Variants in NUP210 observed in about 807,000 individuals in gnomAD.
NUP210 encodes the protein nuclear pore membrane glycoprotein 210.
NUP210 carries 151 observed loss-of-function variants against 196.0 expected under a neutral mutation model. That is an observed-to-expected ratio of 0.77 (90% CI 0.67 to 0.88). The LOEUF (loss-of-function observed/expected upper bound fraction) is 0.88, where lower values mean the gene tolerates loss of function less well. NUP210 is among the 40% of genes least tolerant of loss of function. NUP210 has a pLI of 0.00. For missense variants in NUP210, 2,314 were observed against 2,493.7 expected, an observed-to-expected ratio of 0.93 and a Z score of 1.53; for synonymous variants, 1,070 against 1,052.7, an observed-to-expected ratio of 1.02 and a Z score of -0.32.
Position 13,335,471 on chromosome 3 carries a change from C to T in NUP210, c.3826G>A (p.Asp1276Asn), listed in dbSNP as rs757866849. 4 of 1,613,728 alleles carry T rather than the reference C, an allele frequency of 2.5e-6. No individual in the cohort carries two copies. Among genetic ancestry groups the T allele is most frequent in the East Asian group, 4.5e-5 (2 of 44,868 alleles). The change falls in exon 28 of 40, where the codon GAT (aspartate) becomes AAT (asparagine). Residue 1276 changes from aspartate to asparagine, a missense_variant. Transcript: ENST00000254508. The part of the protein sequence containing the change: ...QLYGLARELS[D>N]EIQVQVFEKL... ...CCTCCTACCTGGACTTGGATCTCAT[C>T]CGAGAGTTCTCTGGCCAGGCCATAC...
chr3:13,401,095 T>C (rs1397831796), intron 1 of NUP210, among the ~76,000 whole-genome samples: 1 of 151,460 alleles, frequency 6.6e-6, no homozygotes, highest in African/African-American at 2.4e-5. Context: ...CTGTATCTAC[T>C]AAAAATACAA....
At chr3:13,396,446 C>T (rs2124942769) in intron 3 of NUP210, among the ~76,000 whole-genome samples, 1 of 152,096 alleles carries the variant, frequency 6.6e-6, no homozygotes, top group South Asian at 2.1e-4. Context: ...AGAATTTTAA[C>T]CTACAAAGTT....
chr3:13,420,091 T>C lies in NUP210; in HGVS notation c.136A>G (p.Thr46Ala). The change falls in exon 1 of 40, where the codon ACG becomes GCG. Residue 46 changes from threonine (T) to alanine (A), a missense_variant. By Grantham distance (58) the Thr-to-Ala change is moderately conservative. Coordinates refer to ENST00000254508, the MANE Select transcript of NUP210 (RefSeq NM_024923.4). The surrounding 1 kb of genome is among the most constrained non-coding windows in gnomAD (Gnocchi z 4.8). ...PFTRATRVNF[T>A]LEASEGCYRW... The stretch of plus-strand genomic sequence containing the variant: ...TAGCAGCCCTCCGAGGCCTCCAGCG[T>C]GAAGTTAACGCGCGTGGCCCGCGTG... 2 of 1,375,760 alleles carry C rather than the reference T, an allele frequency of 1.5e-6. No individual in the cohort carries two copies. The highest frequency in any genetic ancestry group is 1.9e-6 in the Non-Finnish European group (2 of 1,043,646). The allele number at this position is 1,375,760 out of a possible 1,614,324, so 85.2% of individuals were successfully genotyped here.
In NUP210 at chr3:13,397,430, G is replaced by T. The variant is rs768699678; in HGVS notation, c.363C>A (p.Ile121=). 6.2e-7 allele frequency: 1 copy of T among 1,612,936 alleles called. No homozygotes were observed. Among genetic ancestry groups the T allele is most frequent in the Non-Finnish European group, 8.5e-7 (1 of 1,179,580 alleles). The change falls in exon 3 of 40, where the codon ATC becomes ATA. Residue 121 remains isoleucine (I), a synonymous_variant. Transcript: ENST00000254508. ...AIVDLIHDIQ[I]VSTTRELYLE... is the part of the protein sequence containing the mutation. ...GGTAGAGCTCGCGGGTGGTGGAGACGATCTGGATGTCATGGATGAGGTCCA... is the reference window on the plus strand; with the variant it reads ...GGTAGAGCTCGCGGGTGGTGGAGACTATCTGGATGTCATGGATGAGGTCCA...
chr3:13,371,912 C>A lies in NUP210; in HGVS notation c.1708G>T (p.Val570Leu), dbSNP rs993458274. ...TGGGAGCAGTCGCTCAAGGTGACCA[C>A]CTCACTGGCCCCGCCGGGCATGAGG... ...SGLMPGGASE[V>L]VTLSDCSHFD... The change falls in exon 13 of 40, where the codon GTG becomes TTG. Residue 570 changes from valine (V) to leucine (L), a missense_variant. Coordinates refer to ENST00000254508, the MANE Select transcript of NUP210 (RefSeq NM_024923.4). The A allele has an allele frequency of 6.2e-7, 1 of 1,609,336 alleles. No homozygotes were observed. Among genetic ancestry groups the A allele is most frequent in the African/African-American group, 1.3e-5 (1 of 74,892 alleles).
In NUP210 at chr3:13,326,225, C is replaced by T. The variant is rs930124423; in HGVS notation, c.4508-294G>A. ...AACTCCCTGCCTGGAATCTCCTGACCATCCTGGCATGAAGCTTTAGCTGAC... is the reference window on the plus strand; with the variant it reads ...AACTCCCTGCCTGGAATCTCCTGACTATCCTGGCATGAAGCTTTAGCTGAC... On this transcript the variant is annotated intron_variant, in intron 32 of 39. Transcript: ENST00000254508. Among the ~76,000 whole-genome samples, 2 of 152,380 alleles carry T rather than the reference C, an allele frequency of 1.3e-5. 1 individual carries two copies. Among genetic ancestry groups the T allele is most frequent in the South Asian group, 4.1e-4 (2 of 4,832 alleles).
At chr3:13,353,204 G>T (rs1354534975) in intron 18 of NUP210, among the ~76,000 whole-genome samples, 2 of 152,126 alleles carry the variant, frequency 1.3e-5, no homozygotes, top group African/African-American at 4.8e-5. Context: ...CTGGCATTTA[G>T]GGACCATGGG....
intron 14 of NUP210, among the ~76,000 whole-genome samples, chr3:13,365,218 A>T (rs1698489436): frequency 6.6e-6 from 1 of 151,796 alleles, no homozygotes; most frequent in African/African-American, 2.4e-5. Context: ...ATAATAACTA[A>T]CCCTTCCTGA....
intron 11 of NUP210, 91 bp downstream of exon 11, chr3:13,375,413 G>C (rs2124915261): frequency 8.0e-7 from 1 of 1,243,672 alleles, no homozygotes; most frequent in Admixed American, 2.1e-5. Context: ...AACCACTAGA[G>C]AGTAATACTA....
At position 13,351,889 on chromosome 3, in the gene NUP210, C is replaced by A; in HGVS notation, c.2825G>T (p.Gly942Val). ...ATGGCCCAAGCTTACCATGGCGACA[C>A]CCCTGGCCTCCTGGTAGGCCACCTT... ...VVKVAYQEARGVAMVHPLLPG... is the reference protein window; with the variant it reads ...VVKVAYQEARVVAMVHPLLPG... Residue 942 changes from glycine to valine, a missense_variant, in exon 20 of 40, where the codon GGT becomes GTT. Gly to Val is a moderately radical substitution (Grantham distance 109). Transcript: ENST00000254508. 6.2e-7 allele frequency: 1 copy of A among 1,611,052 alleles called. No homozygotes were observed. Among genetic ancestry groups the A allele is most frequent in the East Asian group, 2.2e-5 (1 of 44,856 alleles).
At chr3:13,325,613 A>G (rs556472613) in intron 33 of NUP210, among the ~76,000 whole-genome samples, 182 bp downstream of exon 33, 2 of 152,302 alleles carry the variant, frequency 1.3e-5, no homozygotes, top group African/African-American at 4.8e-5. Flanking sequence ...AAGCCTGGAA[A>G]AAAAAGGGAG....
At chr3:13,333,809 C>G (rs762477725) in intron 28 of NUP210, among the ~76,000 whole-genome samples, 2 of 152,038 alleles carry the variant, frequency 1.3e-5, no homozygotes, top group Non-Finnish European at 2.9e-5. Flanking sequence ...TTTTTTTAAA[C>G]CATGCATTCC....
intron 1 of NUP210, among the ~76,000 whole-genome samples, chr3:13,406,088 G>A (rs993982854): frequency 6.6e-6 from 1 of 152,178 alleles, no homozygotes; most frequent in African/African-American, 2.4e-5. Context: ...TTCTAGTATA[G>A]GTAGTACATA....
At chr3:13,321,890 C>G in intron 35 of NUP210, 55 bp from the exon 36 acceptor site, 1 of 1,570,374 alleles carries the variant, frequency 6.4e-7, no homozygotes, top group Non-Finnish European at 8.6e-7. Flanking sequence ...GCACTGATGT[C>G]ATTTCTTCTC....
In NUP210 at chr3:13,347,126, G is replaced by T; in HGVS notation, c.2836-3823C>A. 1 of 985,414 alleles carries T rather than the reference G, an allele frequency of 1.0e-6. No individual in the cohort carries two copies. The highest frequency in any genetic ancestry group is 1.2e-6 in the Non-Finnish European group (1 of 829,922). The allele number at this position is 985,414 out of a possible 1,614,324, so 61.0% of individuals were successfully genotyped here. A position where few individuals can be genotyped will look rare whatever the true frequency, so the allele number is the denominator to read the frequency against. ...CCCCATGACGGGCTGCGCCTCACAGGACCCAGGAGATGGAGAGAAGCAGCC... is the reference window on the plus strand; with the variant it reads ...CCCCATGACGGGCTGCGCCTCACAGTACCCAGGAGATGGAGAGAAGCAGCC... On this transcript the variant is annotated intron_variant, in intron 20 of 39. Coordinates refer to ENST00000254508, the MANE Select transcript of NUP210 (RefSeq NM_024923.4). The surrounding 1 kb of genome is among the most constrained non-coding windows in gnomAD (Gnocchi z 4.7).
At chr3:13,404,559 T>G (rs767048290) in intron 1 of NUP210, among the ~76,000 whole-genome samples, 20 of 152,228 alleles carry the variant, frequency 1.3e-4, no homozygotes, top group Non-Finnish European at 2.2e-4. Context: ...TACTGCTATG[T>G]CCTCATCTTA....
At chr3:13,416,141 AG>A (rs935288587) in intron 1 of NUP210, among the ~76,000 whole-genome samples, 2 of 152,188 alleles carry the variant, frequency 1.3e-5, no homozygotes, top group Admixed American at 6.5e-5. Flanking sequence ...CCTGTGACTG[AG>A]AAGTGCCCCA....
chr3:13,345,457 G>C (rs1697684652), intron 20 of NUP210, among the ~76,000 whole-genome samples: 1 of 152,234 alleles, frequency 6.6e-6, no homozygotes, highest in South Asian at 2.1e-4. Context: ...CCTGCAGCCA[G>C]AACGGAACTG....
chr3:13,338,208 C>G (rs1164595692), intron 25 of NUP210, among the ~76,000 whole-genome samples: 1 of 152,146 alleles, frequency 6.6e-6, no homozygotes, highest in Non-Finnish European at 1.5e-5. Flanking sequence ...GACTTGGGGC[C>G]GGGGACTGGT....
Sources: allele counts gnomAD v4.1 joint callset (sites outside exome capture counted in the v4.1 genomes callset), GRCh38; gene constraint gnomAD v4.1.1; non-coding constraint Gnocchi (gnomAD v3.1); transcripts MANE v1.5; gene names NCBI Gene and HGNC (gene_info 2026-07-23, HGNC 2026-07-21).